GALNT10: variants seen among roughly 807,000 people sequenced by gnomAD.
GALNT10 encodes GalNAc transferase 10.
GALNT10 carries 41 observed loss-of-function variants against 75.0 expected under a neutral mutation model. That is an observed-to-expected ratio of 0.55 (90% CI 0.43 to 0.71). The LOEUF (loss-of-function observed/expected upper bound fraction) is 0.71, where lower values mean the gene tolerates loss of function less well. Among genes scored for constraint, GALNT10 ranks in the 30% least tolerant of loss-of-function variants. The probability of loss-of-function intolerance (pLI) is 0.00; values close to 1 mark genes in which losing one functional copy is unlikely to be tolerated. For synonymous variants in GALNT10, 302 were observed against 313.0 expected, an observed-to-expected ratio of 0.96 and a Z score of 0.37; for missense variants, 727 against 818.5, an observed-to-expected ratio of 0.89 and a Z score of 1.36.
chr5:154,357,416 G>A (rs1209734641), intron 4 of GALNT10, among the ~76,000 whole-genome samples: 1 of 152,070 alleles, frequency 6.6e-6, no homozygotes, highest in Non-Finnish European at 1.5e-5. Flanking sequence ...ATTACAGGTG[G>A]TTTTTATTGT....
intron 4 of GALNT10, among the ~76,000 whole-genome samples, chr5:154,343,723 C>T (rs1017231032): frequency 3.3e-5 from 5 of 152,182 alleles, no homozygotes; most frequent in Admixed American, 6.5e-5. Context: ...TAGATTACAT[C>T]TCCTCCAACC....
At chr5:154,248,299 T>G (rs1481742956) in intron 1 of GALNT10, among the ~76,000 whole-genome samples, 1 of 152,260 alleles carries the variant, frequency 6.6e-6, no homozygotes, top group Non-Finnish European at 1.5e-5. Context: ...CTGCCAGGCT[T>G]TGGTATCAGG....
rs540606830 is a variant in GALNT10 at position 154,418,334 on chromosome 5, A to G, written c.*1362A>G. 1 of 152,400 alleles carries G rather than the reference A, an allele frequency of 6.6e-6. No individual in the cohort carries two copies. Among genetic ancestry groups the G allele is most frequent in the East Asian group, 1.9e-4 (1 of 5,186 alleles). 9.4% of individuals were successfully genotyped at this position (152,400 alleles called of 1,614,324 possible). A position where few individuals can be genotyped will look rare whatever the true frequency, so the allele number is the denominator to read the frequency against. ...AAAGAACCCGACGTCCCACAGCCAG[A>G]TATACACCCAGCTCCATGCCAGCCC... On this transcript the variant is annotated 3_prime_UTR_variant, in exon 12 of 12. Coordinates refer to ENST00000297107, the MANE Select transcript of GALNT10 (RefSeq NM_198321.4).
chr5:154,383,883 A>G (rs1260282449), intron 6 of GALNT10, among the ~76,000 whole-genome samples: 1 of 152,244 alleles, frequency 6.6e-6, no homozygotes, highest in African/African-American at 2.4e-5. Flanking sequence ...ACTGCTATAA[A>G]GAACTGCCTG....
At chr5:154,278,824 C>G (rs927608589) in intron 1 of GALNT10, among the ~76,000 whole-genome samples, 1 of 152,170 alleles carries the variant, frequency 6.6e-6, no homozygotes, top group Non-Finnish European at 1.5e-5. Flanking sequence ...AGGCTTGTTT[C>G]ACTAAGCATA....
intron 3 of GALNT10, among the ~76,000 whole-genome samples, chr5:154,323,576 C>T (rs1194995583): frequency 1.3e-5 from 2 of 152,134 alleles, no homozygotes; most frequent in Non-Finnish European, 2.9e-5. Context: ...GAGGAACAGC[C>T]AGCCAGGCAG....
At chr5:154,217,198 C>T (rs1185647118) in intron 1 of GALNT10, among the ~76,000 whole-genome samples, 3 of 152,150 alleles carry the variant, frequency 2.0e-5, no homozygotes, top group Admixed American at 1.3e-4. Flanking sequence ...CCACCCTCTC[C>T]GTCTGTCTGG....
chr5:154,367,755 G>A (rs1194350133), intron 4 of GALNT10, among the ~76,000 whole-genome samples: 1 of 151,930 alleles, frequency 6.6e-6, no homozygotes, highest in Non-Finnish European at 1.5e-5. Flanking sequence ...CTACTCAGGA[G>A]GCTGAGGCAG....
chr5:154,413,739 T>C (rs1756447436), intron 10 of GALNT10, among the ~76,000 whole-genome samples: 1 of 152,246 alleles, frequency 6.6e-6, no homozygotes, highest in South Asian at 2.1e-4. Context: ...TGCCATGCAC[T>C]GCAGCCTGGG....
intron 1 of GALNT10, among the ~76,000 whole-genome samples, chr5:154,251,304 C>G (rs987770613): frequency 6.6e-6 from 1 of 152,036 alleles, no homozygotes; most frequent in African/African-American, 2.4e-5. Flanking sequence ...ATTAGTTTAG[C>G]CTTACCCATT....
At chr5:154,345,031 C>G (rs1010730691) in intron 4 of GALNT10, among the ~76,000 whole-genome samples, 1 of 152,210 alleles carries the variant, frequency 6.6e-6, no homozygotes, top group African/African-American at 2.4e-5. Context: ...GAACTGTCCA[C>G]GTGCTCAGAA....
At chr5:154,350,865 G>A (rs1016527142) in intron 4 of GALNT10, among the ~76,000 whole-genome samples, 1 of 152,180 alleles carries the variant, frequency 6.6e-6, no homozygotes, top group African/African-American at 2.4e-5. Context: ...GTAAGCCGGT[G>A]GTTCTTAAAC....
At chr5:154,347,363 A>G (rs1441263091) in intron 4 of GALNT10, 3 of 367,772 alleles carry the variant, frequency 8.2e-6, no homozygotes, top group East Asian at 1.3e-4. Flanking sequence ...GGAATAACTT[A>G]TAAGGATTTT....
At chr5:154,358,345 T>TAAC (rs386405378) in intron 4 of GALNT10, among the ~76,000 whole-genome samples, 1 of 151,516 alleles carries the variant, frequency 6.6e-6, no homozygotes, top group Non-Finnish European at 1.5e-5. Context: ...ACAACAATAA[T>TAAC]AACAATCACC....
intron 4 of GALNT10, among the ~76,000 whole-genome samples, chr5:154,364,005 C>T (rs1002834222): frequency 1.3e-5 from 2 of 152,182 alleles, no homozygotes; most frequent in Non-Finnish European, 2.9e-5. Context: ...CACTCTGAGT[C>T]CTGCCCTCAA....
At chr5:154,227,713 C>T (rs1030089309) in intron 1 of GALNT10, among the ~76,000 whole-genome samples, 3 of 150,780 alleles carry the variant, frequency 2.0e-5, no homozygotes, top group African/African-American at 7.3e-5. Flanking sequence ...GGTGTTGTAT[C>T]TAAGATGTCT....
chr5:154,232,049 C>T (rs1049114404), intron 1 of GALNT10, among the ~76,000 whole-genome samples: 1 of 152,336 alleles, frequency 6.6e-6, no homozygotes, highest in East Asian at 1.9e-4. Flanking sequence ...AGGAGCTCAG[C>T]AAACTACCAA....
chr5:154,352,041 T>C lies in GALNT10; in HGVS notation c.568+22303T>C. ...TGAGAATCAGAAAGGCTGTGTGCCG[T>C]GTACAGGGATGCACAGCCAGTTGAT... On this transcript the variant is annotated intron_variant, in intron 4 of 11. Coordinates refer to ENST00000297107, the MANE Select transcript of GALNT10 (RefSeq NM_198321.4). This position sits in a 1 kb window ranked among gnomAD's most constrained non-coding sequence, Gnocchi z 4.4. Among the ~76,000 whole-genome samples, 1 of 152,218 alleles carries C rather than the reference T, an allele frequency of 6.6e-6. No individual in the cohort carries two copies. The highest frequency in any genetic ancestry group is 1.9e-4 in the East Asian group (1 of 5,200).
intron 3 of GALNT10, among the ~76,000 whole-genome samples, chr5:154,316,263 G>A (rs963900412): frequency 2.0e-5 from 3 of 152,200 alleles, no homozygotes; most frequent in Non-Finnish European, 4.4e-5. Flanking sequence ...TTTACATCCA[G>A]GGTCTCCAAA....
Sources: gnomAD v4.1 joint callset for allele counts (sites outside exome capture counted in the v4.1 genomes callset) on GRCh38, gnomAD v4.1.1 for gene constraint, Gnocchi (gnomAD v3.1) non-coding constraint, MANE v1.5 for transcripts, NCBI Gene and HGNC (gene_info 2026-07-23, HGNC 2026-07-21) for gene names.